F5: variants seen among roughly 807,000 people sequenced by gnomAD.
The protein encoded by F5 is coagulation factor V.
F5 carries 138 observed loss-of-function variants against 216.4 expected under a neutral mutation model. The observed-to-expected ratio is 0.64, with a 90% confidence interval of 0.56 to 0.73. F5 has a LOEUF of 0.73. Among genes scored for constraint, F5 ranks in the 30% least tolerant of loss-of-function variants. F5 has a pLI of 0.00. For synonymous variants in F5, 916 were observed against 930.7 expected, an observed-to-expected ratio of 0.98 and a Z score of 0.29; for missense variants, 2,403 against 2,674.0, an observed-to-expected ratio of 0.90 and a Z score of 2.24.
Position 169,542,671 on chromosome 1 carries a change from C to G in F5, c.2419G>C (p.Gly807Arg). 1 of 1,614,062 alleles carries G rather than the reference C, an allele frequency of 6.2e-7. No homozygotes were observed. Among genetic ancestry groups the G allele is most frequent in the Non-Finnish European group, 8.5e-7 (1 of 1,179,984 alleles). ...CCAATGAGGTGTCTCAGTGGGGAAC[C>G]AGCTGTGGTGGCTTGTTGGTGAGAA... The part of the protein sequence containing the change: ...APSHQQATTA[G>R]SPLRHLIGKN... The change falls in exon 13 of 25, where the codon GGT (glycine) becomes CGT (arginine). Residue 807 changes from glycine to arginine, a missense_variant. By Grantham distance (125) the Gly-to-Arg change is moderately radical (BLOSUM62 -2). Transcript: ENST00000367797.
intron 23 of F5, 150 bp downstream of exon 23, chr1:169,518,262 C>T (rs1659204737): frequency 1.3e-5 from 11 of 875,940 alleles, no homozygotes; most frequent in Middle Eastern, 3.4e-4. Flanking sequence ...ATCAAGTCCA[C>T]AGACATCCTG....
intron 2 of F5, among the ~76,000 whole-genome samples, chr1:169,581,431 C>T (rs1348089072): frequency 1.3e-5 from 2 of 151,278 alleles, no homozygotes. Context: ...AAAAGGCAGG[C>T]AGGGTCAAGG....
In F5 at chr1:169,544,511, G is replaced by C; in HGVS notation, c.1763-3C>G. On this transcript the variant is annotated splice_region_variant and splice_polypyrimidine_tract_variant and intron_variant, in intron 11 of 24. Transcript: ENST00000367797. Reference sequence around the variant, plus strand: ...CTCAGGCACATAGCCATTGATAGCTGAAAGTGTAAAATCTGTTAAAATTCC... The same window carrying C: ...CTCAGGCACATAGCCATTGATAGCTCAAAGTGTAAAATCTGTTAAAATTCC... The C allele has an allele frequency of 2.5e-6, 4 of 1,612,804 alleles. No homozygotes were observed. Among genetic ancestry groups the C allele is most frequent in the Non-Finnish European group, 3.4e-6 (4 of 1,179,072 alleles).
At chr1:169,581,455 T>G (rs1324755427) in intron 2 of F5, among the ~76,000 whole-genome samples, 1 of 152,100 alleles carries the variant, frequency 6.6e-6, no homozygotes, top group African/African-American at 2.4e-5. Flanking sequence ...GATTTTTTTT[T>G]TTCTTTTTCT....
chr1:169,555,430 G>T, intron 6 of F5, 83 bp from the exon 7 acceptor site: 2 of 1,381,588 alleles, frequency 1.4e-6, no homozygotes, highest in Non-Finnish European at 2.0e-6. Flanking sequence ...AAATCAACTT[G>T]TGGAAGGTTT....
chr1:169,567,712 A>G (rs1352491218), intron 3 of F5, among the ~76,000 whole-genome samples: 1 of 152,114 alleles, frequency 6.6e-6, no homozygotes, highest in African/African-American at 2.4e-5. Context: ...GATCATGACC[A>G]TCATCATCCA....
At chr1:169,583,410 G>A (rs1407812820) in intron 1 of F5, among the ~76,000 whole-genome samples, 1 of 152,216 alleles carries the variant, frequency 6.6e-6, no homozygotes, top group Non-Finnish European at 1.5e-5. Flanking sequence ...CATATGCCAT[G>A]ACTTCTATAC....
chr1:169,574,278 A>G lies in F5; in HGVS notation c.251-1935T>C, dbSNP rs561641107. 2.0e-5 allele frequency among the ~76,000 whole-genome samples: 3 copies of G among 152,288 alleles called. No homozygotes were observed. The South Asian group carries it at 6.2e-4, about 32-fold the overall frequency. The stretch of plus-strand genomic sequence containing the variant: ...TGGAGTCTCTGCATCAGAATCACCT[A>G]GGGTCTTAATAAGAGGCAGATTTCC... On this transcript the variant is annotated intron_variant, in intron 2 of 24. Coordinates refer to ENST00000367797, the MANE Select transcript of F5 (RefSeq NM_000130.5).
chr1:169,550,634 T>C lies in F5; in HGVS notation c.1396+6A>G. On this transcript the variant is annotated splice_donor_region_variant and intron_variant, in intron 9 of 24. Coordinates refer to ENST00000367797, the MANE Select transcript of F5 (RefSeq NM_000130.5). ...GTTGGATTCAGTAGAAGTGAAAGAT[T>C]CAAACCTGAGGTGAAAGAAGAGTTG... 4 of 1,609,564 alleles carry C rather than the reference T, an allele frequency of 2.5e-6. No individual in the cohort carries two copies. The highest frequency in any genetic ancestry group is 3.4e-6 in the Non-Finnish European group (4 of 1,175,996).
intron 23 of F5, 97 bp from the exon 24 acceptor site, chr1:169,515,723 A>G (rs1328798629): frequency 4.8e-6 from 6 of 1,243,718 alleles, no homozygotes; most frequent in Non-Finnish European, 6.9e-6. Flanking sequence ...GCTCAAAAGG[A>G]TTTTGTTCTA....
chr1:169,518,641 AAAT>A, intron 22 of F5, 78 bp from the exon 23 acceptor site: 1 of 1,454,200 alleles, frequency 6.9e-7, no homozygotes, highest in Non-Finnish European at 9.6e-7. Flanking sequence ...AGGAGATAAG[AAAT>A]AATATTACTA....
intron 2 of F5, 149 bp from the exon 3 acceptor site, chr1:169,572,492 G>C (rs1660748918): frequency 3.4e-6 from 3 of 878,082 alleles, no homozygotes; most frequent in Middle Eastern, 2.7e-4. Flanking sequence ...AATCTAGAAG[G>C]TTTTAGCAGC....
At chr1:169,560,889 CT>C (rs1228162282) in intron 3 of F5, 123 bp from the exon 4 acceptor site, 2 of 815,484 alleles carry the variant, frequency 2.5e-6, no homozygotes, top group African/African-American at 1.7e-5. Flanking sequence ...CAATAGTGAA[CT>C]TTTATTATTT....
In F5 at chr1:169,523,199, T is replaced by C; in HGVS notation, c.6046A>G (p.Met2016Val). 6.2e-7 allele frequency: 1 copy of C among 1,614,052 alleles called. No individual in the cohort carries two copies. The change falls in exon 21 of 25, where the codon ATG becomes GTG. Residue 2016 changes from methionine (M) to valine (V), a missense_variant and splice_region_variant. Met to Val is a conservative substitution (Grantham distance 21). Transcript: ENST00000367797. ...CAGATAGAAATATGCACACAAACCA[T>C]CACATTCCTTGTGCTGTTCCCTTTG... ...IFKGNSTRNV[M>V]YFNGNSDAST... is the part of the protein sequence containing the mutation.
chr1:169,514,522 GT>G (rs370260358), intron 24 of F5, 63 bp from the exon 25 acceptor site: 96 of 1,458,338 alleles, frequency 6.6e-5, no homozygotes, highest in East Asian at 9.5e-5. Context: ...TTTTGTTTTT[GT>G]TTTTTTTTAG....
intron 2 of F5, among the ~76,000 whole-genome samples, chr1:169,579,528 T>C (rs541273267): frequency 2.0e-5 from 3 of 152,306 alleles, no homozygotes; most frequent in East Asian, 3.9e-4. Context: ...CATCTCTAGG[T>C]AGATATTCTA....
rs10800455 is a variant in F5, at chr1:169,549,537, A to G, written c.1611+264T>C. Among the ~76,000 whole-genome samples the G allele has an allele frequency of 0.31, 47,764 of 152,008 alleles. 8,612 individuals are homozygous for G. The highest frequency in any genetic ancestry group is 0.42 in the Non-Finnish European group (28,732 of 67,938). On this transcript the variant is annotated intron_variant, in intron 10 of 24. Coordinates refer to ENST00000367797, the MANE Select transcript of F5 (RefSeq NM_000130.5). ...GCTAATCAACTTGCTCAACACATCC[A>G]ATACCAACAGACCTGGAATTTGAAA...
At chr1:169,585,463 T>G (rs1315671591) in intron 1 of F5, among the ~76,000 whole-genome samples, 2 of 152,226 alleles carry the variant, frequency 1.3e-5, no homozygotes, top group Non-Finnish European at 2.9e-5. Context: ...GACTGTATGA[T>G]TTAGTTAATT....
At chr1:169,516,528 T>C (rs190203272) in intron 23 of F5, among the ~76,000 whole-genome samples, 1 of 152,388 alleles carries the variant, frequency 6.6e-6, no homozygotes, top group African/African-American at 2.4e-5. Context: ...GCTATATGTA[T>C]TTTAAAAGCA....
Sources: allele counts gnomAD v4.1 joint callset (sites outside exome capture counted in the v4.1 genomes callset), GRCh38; gene constraint gnomAD v4.1.1; transcripts MANE v1.5; gene names NCBI Gene and HGNC (gene_info 2026-07-23, HGNC 2026-07-21).